SLC39A1: variants seen among roughly 807,000 people sequenced by gnomAD.
SLC39A1 encodes solute carrier family 39 member 1.
A neutral mutation model predicts 21.4 loss-of-function variants in SLC39A1; 17 were observed. The ratio of observed to expected loss-of-function variants is 0.79; its 90% CI spans 0.54 to 1.19. The LOEUF (loss-of-function observed/expected upper bound fraction) is 1.19. Among genes scored for constraint, SLC39A1 ranks in the 50% most tolerant of loss-of-function variants. The probability of loss-of-function intolerance (pLI) is 0.00; values close to 1 mark genes in which losing one functional copy is unlikely to be tolerated. For synonymous variants in SLC39A1, 183 were observed against 185.9 expected (o/e 0.98, Z 0.13); for missense variants, 343 against 399.8 (o/e 0.86, Z 1.21).
At chr1:153,964,024 CACA>C (rs545398706), upstream of SLC39A1, among the ~76,000 whole-genome samples, 188 of 152,342 alleles carry the variant, frequency 1.2e-3, 5 homozygotes, top group Admixed American at 0.01. Flanking sequence ...CACCAGCACC[CACA>C]ACAAGGAAAA....
rs1647257603 is a variant in SLC39A1 at position 153,959,811 on chromosome 1, A to C, written c.*287T>G. On this transcript the variant is annotated 3_prime_UTR_variant, in exon 4 of 4. Coordinates refer to ENST00000356205, the MANE Select transcript of SLC39A1 (RefSeq NM_001271958.2). ...GAGCCTGTCCTTATGTATAGTGTCCAACCTCTGATTCTAGCAGTCAAGTGT... is the reference window on the plus strand; with the variant it reads ...GAGCCTGTCCTTATGTATAGTGTCCCACCTCTGATTCTAGCAGTCAAGTGT... 1.2e-5 allele frequency: 5 copies of C among 417,404 alleles called. No individual in the cohort carries two copies. The South Asian group carries it at 1.7e-4, about 14-fold the overall frequency. The allele number at this position is 417,404 out of a possible 1,614,324, so 25.9% of individuals were successfully genotyped here. A position where few individuals can be genotyped will look rare whatever the true frequency, so the allele number is the denominator to read the frequency against.
chr1:153,966,905 CAAAAAA>C (rs1338090975), upstream of SLC39A1: 2 of 151,876 alleles, frequency 1.3e-5, no homozygotes, highest in Non-Finnish European at 2.9e-5. Context: ...TAGACCAAGG[CAAAAAA>C]ATAAAAATAA....
chr1:153,963,035 C>T (rs1647577583), intron 1 of SLC39A1: 1 of 259,706 alleles, frequency 3.9e-6, no homozygotes, highest in African/African-American at 2.2e-5. Flanking sequence ...AACTAGGAAA[C>T]TAGGAGCCGC....
chr1:153,960,087 C>T lies in SLC39A1; in HGVS notation c.*11G>A. 6.3e-7 allele frequency: 1 copy of T among 1,587,476 alleles called. No individual in the cohort carries two copies. The highest frequency in any genetic ancestry group is 1.1e-5 in the South Asian group (1 of 87,264). Reference sequence around the variant, plus strand: ...GATCATCAATCTCCCCTGCCCCTCTCTTGAAGCCCCCTAGATTTGGATGAA... The same window carrying T: ...GATCATCAATCTCCCCTGCCCCTCTTTTGAAGCCCCCTAGATTTGGATGAA... On this transcript the variant is annotated 3_prime_UTR_variant, in exon 4 of 4. Coordinates refer to ENST00000356205, the MANE Select transcript of SLC39A1 (RefSeq NM_001271958.2).
chr1:153,961,443 G>A (rs1647431382), intron 3 of SLC39A1, among the ~76,000 whole-genome samples: 1 of 152,072 alleles, frequency 6.6e-6, no homozygotes. Flanking sequence ...TCCCCATTGT[G>A]ACAACTAAAA....
Position 153,959,187 on chromosome 1 carries a change from C to T in SLC39A1, c.*911G>A, listed in dbSNP as rs1680819088. The T allele has an allele frequency of 7.5e-6, 3 of 398,842 alleles. No individual in the cohort carries two copies. The highest frequency in any genetic ancestry group is 1.3e-5 in the Non-Finnish European group (3 of 226,062). The allele number at this position is 398,842 out of a possible 1,614,324, so 24.7% of individuals were successfully genotyped here. A position where few individuals can be genotyped will look rare whatever the true frequency, so the allele number is the denominator to read the frequency against. The stretch of plus-strand genomic sequence containing the variant: ...TAAAATAGATTCTAAAGAATATGTC[C>T]CTATGCACAGCCCTCCCTCCCCAAA... On this transcript the variant is annotated 3_prime_UTR_variant, in exon 4 of 4. Coordinates refer to ENST00000356205, the MANE Select transcript of SLC39A1 (RefSeq NM_001271958.2).
At position 153,960,280 on chromosome 1, in the gene SLC39A1, C is replaced by A. The variant is rs368689023; in HGVS notation, c.793G>T (p.Gly265Ter). Residue 265 changes from glycine to a stop codon, truncating the protein, a stop_gained, in exon 4 of 4, where the codon GGA becomes TGA. Coordinates refer to ENST00000356205, the MANE Select transcript of SLC39A1 (RefSeq NM_001271958.2). LOFTEE classifies it high-confidence loss of function. ...GLGAALAESA[G>*]PLHQLAQSVL... Reference sequence around the variant, plus strand: ...GACTGGGCCAGCTGGTGCAGAGGTCCTGCCGACTCTGCCAGAGCTGCACCC... The same window carrying A: ...GACTGGGCCAGCTGGTGCAGAGGTCATGCCGACTCTGCCAGAGCTGCACCC... The A allele has an allele frequency of 6.2e-7, 1 of 1,614,112 alleles. No individual in the cohort carries two copies. The highest frequency in any genetic ancestry group is 8.5e-7 in the Non-Finnish European group (1 of 1,180,044).
chr1:153,961,881 C>T (rs1647461965), intron 3 of SLC39A1, among the ~76,000 whole-genome samples: 1 of 152,050 alleles, frequency 6.6e-6, no homozygotes, highest in African/African-American at 2.4e-5. Context: ...CCTACAGAGA[C>T]CTCTATCTCC....
rs1285481237 is a variant in SLC39A1, at chr1:153,960,464, G to A, written c.609C>T (p.Asp203=). 6.2e-6 allele frequency: 10 copies of A among 1,613,528 alleles called. No individual in the cohort carries two copies. The highest frequency in any genetic ancestry group is 2.2e-5 in the East Asian group (1 of 44,904). ...GGCACAGCTCCATGGCCCGAGCCCG[G>A]TCTCGCTGCAGCCCTACCGCCAGCC... is the stretch of plus-strand genomic sequence containing the variant. ...FEGLAVGLQR[D]RARAMELCLA... Residue 203 remains aspartate, a synonymous_variant, in exon 4 of 4, where the codon GAC becomes GAT. Transcript: ENST00000356205.
chr1:153,962,371 G>C, intron 2 of SLC39A1, 21 bp from the exon 3 acceptor site: 1 of 1,612,442 alleles, frequency 6.2e-7, no homozygotes, highest in Non-Finnish European at 8.5e-7. Flanking sequence ...GTGAAGCACA[G>C]AGGGGAATAA....
In SLC39A1 at chr1:153,960,222, A is replaced by G; in HGVS notation, c.851T>C (p.Leu284Pro). ...CAGGATTTCCAGAAAGGTGATATAGAGAAAGGTGCCAGCTGCCATGCCCTC... is the reference window on the plus strand; with the variant it reads ...CAGGATTTCCAGAAAGGTGATATAGGGAAAGGTGCCAGCTGCCATGCCCTC... ...VLEGMAAGTFLYITFLEILPQ... is the reference protein window; with the variant it reads ...VLEGMAAGTFPYITFLEILPQ... The change falls in exon 4 of 4, where the codon CTC becomes CCC. Residue 284 changes from leucine (L) to proline (P), a missense_variant. Leu to Pro is a moderately conservative substitution (Grantham distance 98). Coordinates refer to ENST00000356205, the MANE Select transcript of SLC39A1 (RefSeq NM_001271958.2). 1.9e-6 allele frequency: 3 copies of G among 1,614,198 alleles called. No homozygotes were observed. The highest frequency in any genetic ancestry group is 2.5e-6 in the Non-Finnish European group (3 of 1,180,046).
chr1:153,962,281 A>G lies in SLC39A1; in HGVS notation c.257T>C (p.Leu86Pro). 6.2e-7 allele frequency: 1 copy of G among 1,614,184 alleles called. No individual in the cohort carries two copies. Among genetic ancestry groups the G allele is most frequent in the East Asian group, 2.2e-5 (1 of 44,882 alleles). ...AGCCAGGTAGTCAGGCAGCAGGTCC[A>G]GGAGACAAGTGGCCAAAAAGACGCC... The part of the protein sequence containing the change: ...AGGVFLATCL[L>P]DLLPDYLAAI... The change falls in exon 3 of 4, where the codon CTG becomes CCG. Residue 86 changes from leucine to proline, a missense_variant. Coordinates refer to ENST00000356205, the MANE Select transcript of SLC39A1 (RefSeq NM_001271958.2).
chr1:153,962,389 A>C, intron 2 of SLC39A1, 39 bp from the exon 3 acceptor site: 1 of 1,605,630 alleles, frequency 6.2e-7, no homozygotes, highest in Non-Finnish European at 8.5e-7. Context: ...TAAGCAAACA[A>C]ACCCCCTCCA....
rs1647556905 is a variant in SLC39A1 at position 153,962,759 on chromosome 1, G to A, written c.-32-12C>T. The stretch of plus-strand genomic sequence containing the variant: ...AGTGACTCTCAGACCTAGGAAGACA[G>A]ACCAGAGTGGTTGGGAAAAATCATG... On this transcript the variant is annotated splice_polypyrimidine_tract_variant and intron_variant, in intron 1 of 3. Coordinates refer to ENST00000356205, the MANE Select transcript of SLC39A1 (RefSeq NM_001271958.2). 4 of 1,471,902 alleles carry A rather than the reference G, an allele frequency of 2.7e-6. No individual in the cohort carries two copies. Among genetic ancestry groups the A allele is most frequent in the South Asian group, 1.4e-5 (1 of 72,156 alleles). The allele number at this position is 1,471,902 out of a possible 1,614,324, so 91.2% of individuals were successfully genotyped here. A position where few individuals can be genotyped will look rare whatever the true frequency, so the allele number is the denominator to read the frequency against.
upstream of SLC39A1, among the ~76,000 whole-genome samples, chr1:153,965,382 A>G (rs1196590662): frequency 6.6e-6 from 1 of 152,068 alleles, no homozygotes; most frequent in South Asian, 2.1e-4. Flanking sequence ...AGCCAAGATC[A>G]CACCTCTGCA....
intron 3 of SLC39A1, among the ~76,000 whole-genome samples, chr1:153,960,970 G>C (rs1478544435): frequency 6.6e-6 from 1 of 152,186 alleles, no homozygotes; most frequent in African/African-American, 2.4e-5. Flanking sequence ...AAGTTTCTCA[G>C]CTTTGGAACT....
At chr1:153,966,789 G>T (rs1170701986), upstream of SLC39A1, 1 of 152,176 alleles carries the variant, frequency 6.6e-6, no homozygotes, top group African/African-American at 2.4e-5. Flanking sequence ...CCAAACTACT[G>T]TTTTACTCAC....
Position 153,960,398 on chromosome 1 carries a change from C to A in SLC39A1, c.675G>T (p.Leu225=). The A allele has an allele frequency of 1.2e-6, 2 of 1,614,064 alleles. No individual in the cohort carries two copies. Among genetic ancestry groups the A allele is most frequent in the South Asian group, 2.2e-5 (2 of 91,084 alleles). The change falls in exon 4 of 4, where the codon CTG becomes CTT. Residue 225 remains leucine (L), a synonymous_variant. Coordinates refer to ENST00000356205, the MANE Select transcript of SLC39A1 (RefSeq NM_001271958.2). The part of the protein sequence containing the change: ...LLHKGILAVS[L]SLRLLQSHLR... ...GGTGGCTCTGCAACAGCCGCAGGGA[C>A]AGGCTGACAGCCAGGATGCCCTTGT...
rs1444477675 is a variant in SLC39A1 at position 153,959,649 on chromosome 1, TAAG to T, written c.*446_*448del. On this transcript the variant is annotated 3_prime_UTR_variant, in exon 4 of 4. Transcript: ENST00000356205. ...GGGAGATAGGTATGAGGGTAGGCGC[TAAG>T]AAGAGTAGGAGGGGTCCACTCCAAG... 3 of 238,642 alleles carry T rather than the reference TAAG, an allele frequency of 1.3e-5. No individual in the cohort carries two copies. The highest frequency in any genetic ancestry group is 2.4e-5 in the Non-Finnish European group (3 of 123,966). The allele number at this position is 238,642 out of a possible 1,614,324, so 14.8% of individuals were successfully genotyped here. A position where few individuals can be genotyped will look rare whatever the true frequency, so the allele number is the denominator to read the frequency against.
Sources: gnomAD v4.1 joint callset for allele counts (sites outside exome capture counted in the v4.1 genomes callset) on GRCh38, gnomAD v4.1.1 for gene constraint, MANE v1.5 for transcripts, NCBI Gene and HGNC (gene_info 2026-07-23, HGNC 2026-07-21) for gene names.